Variants in TBC1D5 observed in about 807,000 individuals in gnomAD.
The protein encoded by TBC1D5 is TBC1 domain family, member 5.
TBC1D5 carries 75 observed loss-of-function variants against 100.3 expected under a neutral mutation model. The ratio of observed to expected loss-of-function variants is 0.75; its 90% confidence interval spans 0.62 to 0.91. The LOEUF (loss-of-function observed/expected upper bound fraction) is 0.91, where lower values mean the gene tolerates loss of function less well. TBC1D5 is among the 40% of genes least tolerant of loss of function. TBC1D5 has a pLI of 0.00. For missense variants in TBC1D5, 910 were observed against 942.4 expected (o/e 0.97, Z 0.45); for synonymous variants, 323 against 325.6 (o/e 0.99, Z 0.09).
At chr3:17,297,842 G>A (rs527489576) in intron 14 of TBC1D5, among the ~76,000 whole-genome samples, 1 of 151,408 alleles carries the variant, frequency 6.6e-6, no homozygotes, top group Non-Finnish European at 1.5e-5. Flanking sequence ...CTGCTGCCTT[G>A]GCCTCCCAAA....
intron 3 of TBC1D5, among the ~76,000 whole-genome samples, chr3:17,437,629 A>C (rs924103332): frequency 2.2e-5 from 1 of 44,948 alleles, no homozygotes; most frequent in African/African-American, 5.2e-5. Flanking sequence ...AGGTAGAGAG[A>C]GAGAGAGAGA....
At chr3:17,161,307 G>T in intron 21 of TBC1D5, 51 bp from the exon 23 acceptor site, 1 of 1,547,638 alleles carries the variant, frequency 6.5e-7, no homozygotes, top group South Asian at 1.2e-5. Context: ...AACTGGCAAA[G>T]AACTGAGTGG....
intron 2 of TBC1D5, among the ~76,000 whole-genome samples, chr3:17,600,005 T>C (rs2153587458): frequency 6.6e-6 from 1 of 152,370 alleles, no homozygotes; most frequent in South Asian, 2.1e-4. Flanking sequence ...ATATCAATTC[T>C]AATTTTGCTA....
At position 17,706,580 on chromosome 3, in the gene TBC1D5, A is replaced by G. The variant is rs571939014; in HGVS notation, c.-101+32763T>C. 1.9e-4 allele frequency among the ~76,000 whole-genome samples: 29 copies of G among 152,282 alleles called. No homozygotes were observed. The East Asian group carries it at 5.4e-3, about 28-fold the overall frequency. On this transcript the variant is annotated intron_variant, in intron 1 of 21. Coordinates refer to ENST00000253692, the Ensembl canonical transcript of TBC1D5. ...TATAGACAACTTTTTTCAACAATTA[A>G]GGATTAACTCTACTATTACATTGCA...
chr3:17,567,437 A>G (rs2096600590), intron 2 of TBC1D5, among the ~76,000 whole-genome samples: 1 of 151,814 alleles, frequency 6.6e-6, no homozygotes, highest in African/African-American at 2.4e-5. Context: ...ATAGGTAAAC[A>G]ACAATCTAAT....
intron 12 of TBC1D5, among the ~76,000 whole-genome samples, chr3:17,373,444 C>A (rs1260124509): frequency 2.6e-5 from 4 of 152,098 alleles, no homozygotes; most frequent in African/African-American, 9.7e-5. Flanking sequence ...TATAATGAGA[C>A]AACCATAATG....
At chr3:17,265,991 T>A (rs2078807528) in intron 15 of TBC1D5, among the ~76,000 whole-genome samples, 1 of 152,180 alleles carries the variant, frequency 6.6e-6, no homozygotes, top group South Asian at 2.1e-4. Flanking sequence ...TGCCTTTATT[T>A]AAACAAATAT....
In TBC1D5 at chr3:17,445,527, C is replaced by T. The variant is rs574712658; in HGVS notation, c.98-17008G>A. ...ATATTAACCTTCAGTTTCCATACAG[C>T]AGTCTTTTCTTATTTGTGGTCTTGC... On this transcript the variant is annotated intron_variant, in intron 3 of 21. Coordinates refer to ENST00000253692, the Ensembl canonical transcript of TBC1D5. Among the ~76,000 whole-genome samples the T allele has an allele frequency of 1.3e-5, 2 of 152,212 alleles. 1 individual carries two copies. Among genetic ancestry groups the T allele is most frequent in the South Asian group, 4.1e-4 (2 of 4,830 alleles).
Position 17,690,355 on chromosome 3 carries a change from TA to T in TBC1D5, c.-101+48987del, listed in dbSNP as rs2070961475. 2.4e-5 allele frequency among the ~76,000 whole-genome samples: 2 copies of T among 82,856 alleles called. 1 individual carries two copies. Among genetic ancestry groups the T allele is most frequent in the Non-Finnish European group, 4.9e-5 (2 of 41,100 alleles). 54.4% of individuals were successfully genotyped at this position (82,856 alleles called of 152,430 possible). On this transcript the variant is annotated intron_variant, in intron 1 of 21. Transcript: ENST00000253692. ...CCTCAGCCTCCCAAGTAGCTGGGAC[TA>T]CAGGCGCCCGCCACTACGCCCGGCT...
intron 19 of TBC1D5, chr3:17,184,803 A>T (rs1004708537): frequency 1.8e-5 from 3 of 165,396 alleles, no homozygotes; most frequent in African/African-American, 7.2e-5. Context: ...TTGGCTTTCC[A>T]CAGTGCTGGG....
At chr3:17,489,252 T>G (rs1015955467) in intron 3 of TBC1D5, among the ~76,000 whole-genome samples, 4 of 152,098 alleles carry the variant, frequency 2.6e-5, no homozygotes, top group African/African-American at 9.7e-5. Context: ...TTAAAATACC[T>G]AATTTTCTAC....
chr3:17,498,665 C>T (rs1162190711), intron 3 of TBC1D5, among the ~76,000 whole-genome samples: 3 of 151,896 alleles, frequency 2.0e-5, no homozygotes, highest in East Asian at 1.9e-4. Flanking sequence ...AATGTAGACT[C>T]GGCACATTAA....
chr3:17,701,625 CTTT>C (rs563560442), intron 1 of TBC1D5, among the ~76,000 whole-genome samples: 1 of 149,012 alleles, frequency 6.7e-6, no homozygotes, highest in East Asian at 2.0e-4. Context: ...ACAAAAAAGA[CTTT>C]TTTTTTTAAA....
At chr3:17,276,288 C>T (rs2080004050) in intron 15 of TBC1D5, among the ~76,000 whole-genome samples, 1 of 152,106 alleles carries the variant, frequency 6.6e-6, no homozygotes, top group East Asian at 1.9e-4. Context: ...GCCCTCACGA[C>T]CTAATCACTT....
chr3:17,251,416 C>A (rs2077159655), intron 16 of TBC1D5, among the ~76,000 whole-genome samples: 1 of 107,162 alleles, frequency 9.3e-6, no homozygotes, highest in Admixed American at 1.0e-4. Context: ...AATATATATA[C>A]TCACGGGAAC....
intron 1 of TBC1D5, among the ~76,000 whole-genome samples, chr3:17,669,480 G>T (rs1187377873): frequency 1.6e-4 from 24 of 151,998 alleles, no homozygotes; most frequent in Non-Finnish European, 1.3e-4. Flanking sequence ...ATACTACTTG[G>T]ATTAAAATTC....
At chr3:17,549,805 C>T (rs1039746164) in intron 2 of TBC1D5, among the ~76,000 whole-genome samples, 7 of 152,050 alleles carry the variant, frequency 4.6e-5, no homozygotes, top group Admixed American at 6.6e-5. Context: ...TAGTGCATGC[C>T]TGTATTCCCA....
At chr3:17,736,840 G>A (rs748303805) in intron 1 of TBC1D5, among the ~76,000 whole-genome samples, 2 of 151,976 alleles carry the variant, frequency 1.3e-5, no homozygotes, top group Non-Finnish European at 2.9e-5. Context: ...GTGAAACCCC[G>A]TCTCTACTAA....
At chr3:17,525,445 T>C (rs986753166) in intron 2 of TBC1D5, among the ~76,000 whole-genome samples, 1 of 152,152 alleles carries the variant, frequency 6.6e-6, no homozygotes, top group African/African-American at 2.4e-5. Flanking sequence ...ATGTATCTTT[T>C]AAAAATATTT....
Sources: allele counts gnomAD v4.1 joint callset (sites outside exome capture counted in the v4.1 genomes callset), GRCh38; gene constraint gnomAD v4.1.1; transcripts MANE v1.5; gene names NCBI Gene and HGNC (gene_info 2026-07-23, HGNC 2026-07-21).